The following TRIO variants were observed in gnomAD, a reference collection of about 807,000 sequenced individuals.
The protein encoded by TRIO is triple functional domain protein.
Under a neutral mutation model 351.9 loss-of-function variants are expected in TRIO, and 58 were observed. The ratio of observed to expected loss-of-function variants is 0.16; its 90% confidence interval spans 0.13 to 0.21. The LOEUF (loss-of-function observed/expected upper bound fraction) is 0.21. Ranked by LOEUF, TRIO falls within the 10% of genes least tolerant of loss-of-function variation. The pLI is 1.00. For synonymous variants in TRIO, 1,758 were observed against 1,595.7 expected (o/e 1.10, Z -2.42); for missense variants, 3,201 against 4,027.8 (o/e 0.79, Z 5.56).
intron 24 of TRIO, among the ~76,000 whole-genome samples, chr5:14,389,053 C>T (rs1746816446): frequency 6.6e-6 from 1 of 152,112 alleles, no homozygotes; most frequent in African/African-American, 2.4e-5. Context: ...TAGGTTAATT[C>T]CAAAATTTGA....
At chr5:14,215,537 G>T (rs934184042) in intron 1 of TRIO, among the ~76,000 whole-genome samples, 19 of 152,018 alleles carry the variant, frequency 1.2e-4, no homozygotes, top group African/African-American at 4.6e-4. Context: ...GCAAACTTTG[G>T]TTTTTCATCC....
chr5:14,149,779 A>G lies in TRIO; in HGVS notation c.157+5897A>G, dbSNP rs143299273. Among the ~76,000 whole-genome samples the G allele has an allele frequency of 1.7e-3, 256 of 152,224 alleles. 1 individual carries two copies. Among genetic ancestry groups the G allele is most frequent in the Non-Finnish European group, 2.8e-3 (192 of 68,008 alleles). On this transcript the variant is annotated intron_variant, in intron 1 of 56. Coordinates refer to ENST00000344204, the MANE Select transcript of TRIO (RefSeq NM_007118.4). ...GCTGGTGTTTTGGAGGCATCTTCCT[A>G]TTTGGGCTTTGTCATCAATGAGTGC...
intron 28 of TRIO, among the ~76,000 whole-genome samples, chr5:14,394,546 C>T (rs906837175): frequency 1.3e-5 from 2 of 152,146 alleles, no homozygotes; most frequent in African/African-American, 2.4e-5. Context: ...CACTCAAACA[C>T]GTTAACAGGC....
chr5:14,189,735 T>A (rs1475744320), intron 1 of TRIO, among the ~76,000 whole-genome samples: 1 of 152,024 alleles, frequency 6.6e-6, no homozygotes, highest in Admixed American at 6.6e-5. Context: ...TAACTTTTTT[T>A]TTTTTTTCAA....
At chr5:14,359,272 C>T (rs868182407) in intron 12 of TRIO, 85 bp from the exon 13 acceptor site, 3 of 1,507,334 alleles carry the variant, frequency 2.0e-6, no homozygotes, top group Non-Finnish European at 2.7e-6. Flanking sequence ...AGCTTTCTTC[C>T]CCTGAAGATT....
intron 30 of TRIO, among the ~76,000 whole-genome samples, chr5:14,400,647 A>G (rs564154701): frequency 2.0e-5 from 3 of 152,294 alleles, no homozygotes; most frequent in African/African-American, 7.2e-5. Flanking sequence ...TGCTTGTAAG[A>G]TTGCAAATAG....
At chr5:14,385,852 C>A (rs12516600) in intron 21 of TRIO, among the ~76,000 whole-genome samples, 68,930 of 152,082 alleles carry the variant, frequency 0.45, 16,573 homozygotes, top group East Asian at 0.58. Flanking sequence ...GCTGCATTAT[C>A]TTTTTATCTT....
At position 14,390,151 on chromosome 5, in the gene TRIO, T is replaced by C. The variant is rs1045588469; in HGVS notation, c.4059-80T>C. ...TTGTTCATTCTTTAGGGGGCACAGATTTCTCAGTTTCTGGCATATCTCACT... is the reference window on the plus strand; with the variant it reads ...TTGTTCATTCTTTAGGGGGCACAGACTTCTCAGTTTCTGGCATATCTCACT... On this transcript the variant is annotated intron_variant, in intron 25 of 56. Coordinates refer to ENST00000344204, the MANE Select transcript of TRIO (RefSeq NM_007118.4). The C allele has an allele frequency of 1.5e-5, 19 of 1,309,014 alleles. No individual in the cohort carries two copies. The South Asian group carries it at 2.5e-4, about 17-fold the overall frequency. 81.1% of individuals were successfully genotyped at this position (1,309,014 alleles called of 1,614,324 possible).
Position 14,240,710 on chromosome 5 carries a change from C to G in TRIO, c.158-30115C>G, listed in dbSNP as rs537981969. ...TGGCATCCTTTTGTAGATTTTCAGA[C>G]AAGACGGACTACTTACATTTCACTG... On this transcript the variant is annotated intron_variant, in intron 1 of 56. Transcript: ENST00000344204. Among the ~76,000 whole-genome samples the G allele has an allele frequency of 5.8e-4, 89 of 152,266 alleles. 1 individual carries two copies. Among genetic ancestry groups the G allele is most frequent in the African/African-American group, 2.0e-3 (84 of 41,548 alleles).
chr5:14,460,117 C>T (rs574410758), intron 34 of TRIO, among the ~76,000 whole-genome samples: 22 of 152,194 alleles, frequency 1.4e-4, no homozygotes, highest in African/African-American at 5.3e-4. Context: ...GGGGTTTCAC[C>T]ATGTTAGCCA....
At chr5:14,441,057 C>A (rs1281871611) in intron 34 of TRIO, 1 of 152,230 alleles carries the variant, frequency 6.6e-6, no homozygotes, top group Non-Finnish European at 1.5e-5. Flanking sequence ...TGGGCCGGGC[C>A]GTGGGCTGGC....
At chr5:14,254,940 A>T (rs1794947424) in intron 1 of TRIO, among the ~76,000 whole-genome samples, 1 of 152,210 alleles carries the variant, frequency 6.6e-6, no homozygotes, top group African/African-American at 2.4e-5. Context: ...CAGTTGAGAC[A>T]TAAATAGAAA....
In TRIO at chr5:14,177,319, A is replaced by T. The variant is rs567196500; in HGVS notation, c.157+33437A>T. Reference sequence around the variant, plus strand: ...TAAATTTTTTTTGGTAATCACCGGGATATGAGCAGATGTTATGAAAATCTT... The same window carrying T: ...TAAATTTTTTTTGGTAATCACCGGGTTATGAGCAGATGTTATGAAAATCTT... On this transcript the variant is annotated intron_variant, in intron 1 of 56. Transcript: ENST00000344204. Among the ~76,000 whole-genome samples the T allele has an allele frequency of 5.9e-5, 9 of 152,274 alleles. No homozygotes were observed. The South Asian group carries it at 1.9e-3, about 32-fold the overall frequency.
intron 8 of TRIO, among the ~76,000 whole-genome samples, chr5:14,315,800 C>T (rs1739334596): frequency 6.6e-6 from 1 of 152,166 alleles, no homozygotes; most frequent in Admixed American, 6.5e-5. Flanking sequence ...TTCTAAATTG[C>T]ACCCTCACCT....
Position 14,219,527 on chromosome 5 carries a change from T to C in TRIO, c.158-51298T>C, listed in dbSNP as rs117516390. Among the ~76,000 whole-genome samples the C allele has an allele frequency of 1.5e-3, 222 of 152,316 alleles. 3 individuals are homozygous for C. In the East Asian group the frequency reaches 0.034, roughly 23 times the overall value. The stretch of plus-strand genomic sequence containing the variant: ...CTTAGGCTGTTTCTGGCCGGAGTCA[T>C]AGGGGACCCTTCAGGTTTGTGGATT... On this transcript the variant is annotated intron_variant, in intron 1 of 56. Coordinates refer to ENST00000344204, the MANE Select transcript of TRIO (RefSeq NM_007118.4).
chr5:14,205,242 G>T (rs1016930806), intron 1 of TRIO, among the ~76,000 whole-genome samples: 1 of 152,224 alleles, frequency 6.6e-6, no homozygotes, highest in Non-Finnish European at 1.5e-5. Flanking sequence ...CACATCCACC[G>T]CATGCTTCCT....
chr5:14,274,975 A>G (rs1735369365), intron 2 of TRIO, among the ~76,000 whole-genome samples: 1 of 152,172 alleles, frequency 6.6e-6, no homozygotes, highest in Admixed American at 6.5e-5. Flanking sequence ...AGGAAACAAT[A>G]CAGGTTGCTA....
chr5:14,419,443 A>T lies in TRIO; in HGVS notation c.4960-335A>T, dbSNP rs6887662. Among the ~76,000 whole-genome samples the T allele has an allele frequency of 0.23, 34,813 of 152,162 alleles. 8,901 individuals are homozygous for T. The highest frequency in any genetic ancestry group is 0.64 in the African/African-American group (26,475 of 41,466). On this transcript the variant is annotated intron_variant, in intron 33 of 56. Coordinates refer to ENST00000344204, the MANE Select transcript of TRIO (RefSeq NM_007118.4). Reference sequence around the variant, plus strand: ...CTGGGTCAGAACAGAAATTTGGAACAGAACTTTATCTCATTTTATCACCAT... The same window carrying T: ...CTGGGTCAGAACAGAAATTTGGAACTGAACTTTATCTCATTTTATCACCAT...
At chr5:14,275,251 C>T (rs900810630) in intron 2 of TRIO, among the ~76,000 whole-genome samples, 1 of 152,088 alleles carries the variant, frequency 6.6e-6, no homozygotes, top group Non-Finnish European at 1.5e-5. Context: ...TATATGACTA[C>T]CAAATGTAAT....
Sources: allele counts gnomAD v4.1 joint callset (sites outside exome capture counted in the v4.1 genomes callset), GRCh38; gene constraint gnomAD v4.1.1; transcripts MANE v1.5; gene names NCBI Gene and HGNC (gene_info 2026-07-23, HGNC 2026-07-21).